Variants in AHNAK observed in about 807,000 individuals in gnomAD.
AHNAK encodes the protein neuroblast differentiation-associated protein AHNAK.
Under a neutral mutation model 37.8 loss-of-function variants are expected in AHNAK, and 23 were observed. The ratio of observed to expected loss-of-function variants is 0.61; its 90% CI spans 0.44 to 0.86. The LOEUF is 0.86. Among genes scored for constraint, AHNAK ranks in the 40% least tolerant of loss-of-function variants. The pLI is 0.00. For synonymous variants in AHNAK, 2,481 were observed against 2,636.3 expected, an observed-to-expected ratio of 0.94 and a Z score of 1.80; for missense variants, 7,411 against 7,319.4, an observed-to-expected ratio of 1.01 and a Z score of -0.46.
In AHNAK at chr11:62,533,381, C is replaced by T; in HGVS notation, c.1036G>A (p.Gly346Ser). Residue 346 changes from glycine to serine, a missense_variant, in exon 5 of 5, where the codon GGC (glycine) becomes AGC (serine). By Grantham distance (56) the Gly-to-Ser change is moderately conservative. Coordinates refer to ENST00000378024, the MANE Select transcript of AHNAK (RefSeq NM_001620.3). ...AGCTGAGGGGCTTGGATAGTCAAGC[C>T]TGGCTTGCCGCCCTTGTGCCCCACA... ...VSVGHKGGKPGLTIQAPQLEV... is the reference protein window; with the variant it reads ...VSVGHKGGKPSLTIQAPQLEV... 1 of 1,589,230 alleles carries T rather than the reference C, an allele frequency of 6.3e-7. No homozygotes were observed.
chr11:62,434,901 T>G (rs1168578179), intron 5 of AHNAK, among the ~76,000 whole-genome samples: 1 of 135,092 alleles, frequency 7.4e-6, no homozygotes, highest in East Asian at 2.2e-4. Flanking sequence ...TCACTGCACT[T>G]CAGCCTGGAC....
chr11:62,439,664 G>GTTTTTTTTTTTTTTTT (rs1565194563), intron 5 of AHNAK, among the ~76,000 whole-genome samples: 2 of 126,420 alleles, frequency 1.6e-5, no homozygotes, highest in Admixed American at 8.7e-5. Flanking sequence ...ATTTTTGTGT[G>GTTTTTTTTTTTTTTTT]ATTTTTTTTT....
chr11:62,450,308 C>G (rs1422397360), intron 5 of AHNAK, among the ~76,000 whole-genome samples: 3 of 151,856 alleles, frequency 2.0e-5, no homozygotes, highest in Non-Finnish European at 4.4e-5. Flanking sequence ...CAGGCACCCA[C>G]CACCACGCCC....
chr11:62,447,479 T>C (rs1590587579), intron 5 of AHNAK, among the ~76,000 whole-genome samples: 1 of 152,268 alleles, frequency 6.6e-6, no homozygotes, highest in East Asian at 1.9e-4. Flanking sequence ...GAACGCATCA[T>C]GTGAGGATGT....
rs746095319 is a variant in AHNAK, at chr11:62,532,453, C to A, written c.1964G>T (p.Gly655Val). 6.2e-7 allele frequency: 1 copy of A among 1,614,028 alleles called. No individual in the cohort carries two copies. Among genetic ancestry groups the A allele is most frequent in the Admixed American group, 1.7e-5 (1 of 60,004 alleles). ...CTTGGGCCCTGAAATACTGATATCTCCTTTGGGTAGAGTCATATGAACATC... is the reference window on the plus strand; with the variant it reads ...CTTGGGCCCTGAAATACTGATATCTACTTTGGGTAGAGTCATATGAACATC... The part of the protein sequence containing the change: ...GPDVHMTLPK[G>V]DISISGPKVN... The change falls in exon 5 of 5, where the codon GGA becomes GTA. Residue 655 changes from glycine (G) to valine (V), a missense_variant. Transcript: ENST00000378024.
intron 5 of AHNAK, chr11:62,491,618 C>T (rs2134895497): frequency 1.0e-6 from 1 of 996,052 alleles, no homozygotes; most frequent in East Asian, 2.6e-5. Flanking sequence ...GGTCCTGAGC[C>T]ATATCCTTCC....
Position 62,527,653 on chromosome 11 carries a change from C to T in AHNAK, c.6764G>A (p.Gly2255Asp), listed in dbSNP as rs1260568336. The T allele has an allele frequency of 1.9e-6, 3 of 1,614,026 alleles. No homozygotes were observed. Among genetic ancestry groups the T allele is most frequent in the Admixed American group, 3.3e-5 (2 of 60,004 alleles). ...KMKMPKFSMP[G>D]FKGEGPEVDV... ...CACTTCTGGGCCCTCTCCTTTGAAG[C>T]CAGGCATGCTGAACTTGGGCATTTT... The change falls in exon 5 of 5, where the codon GGC (glycine) becomes GAC (aspartate). Residue 2255 changes from glycine to aspartate, a missense_variant. Transcript: ENST00000378024.
chr11:62,507,714 G>A (rs1422814568), intron 4 of AHNAK, among the ~76,000 whole-genome samples: 1 of 152,210 alleles, frequency 6.6e-6, no homozygotes, highest in Non-Finnish European at 1.5e-5. Context: ...CCAGGAGGCA[G>A]AGGTTGCAGT....
intron 4 of AHNAK, among the ~76,000 whole-genome samples, chr11:62,499,419 C>T (rs949965963): frequency 2.0e-5 from 3 of 152,100 alleles, no homozygotes; most frequent in African/African-American, 7.2e-5. Flanking sequence ...GGCATGGTAT[C>T]GTGTGCCTGT....
At chr11:62,507,093 C>T (rs1939826359) in intron 4 of AHNAK, among the ~76,000 whole-genome samples, 1 of 152,078 alleles carries the variant, frequency 6.6e-6, no homozygotes, top group Non-Finnish European at 1.5e-5. Flanking sequence ...CCCCCCACTC[C>T]TCTCCAAACC....
At chr11:62,457,670 T>C (rs1938689939) in intron 5 of AHNAK, among the ~76,000 whole-genome samples, 1 of 151,674 alleles carries the variant, frequency 6.6e-6, no homozygotes, top group Admixed American at 6.6e-5. Flanking sequence ...GTTCAGCAAA[T>C]TAACATGAAA....
In AHNAK at chr11:62,529,402, T is replaced by A; in HGVS notation, c.5015A>T (p.Asp1672Val). The A allele has an allele frequency of 6.2e-7, 1 of 1,614,006 alleles. No individual in the cohort carries two copies. Among genetic ancestry groups the A allele is most frequent in the Non-Finnish European group, 8.5e-7 (1 of 1,180,002 alleles). ...LKGPKVKGDM[D>V]VSVPKVEGEM... ...ACCTTCTACCTTGGGCACAGACACATCCATATCCCCTTTGACTTTGGGGCC... is the reference window on the plus strand; with the variant it reads ...ACCTTCTACCTTGGGCACAGACACAACCATATCCCCTTTGACTTTGGGGCC... The change falls in exon 5 of 5, where the codon GAT becomes GTT. Residue 1672 changes from aspartate to valine, a missense_variant. Transcript: ENST00000378024.
At chr11:62,467,266 G>A (rs543837305) in intron 5 of AHNAK, among the ~76,000 whole-genome samples, 1 of 149,422 alleles carries the variant, frequency 6.7e-6, no homozygotes, top group South Asian at 2.1e-4. Flanking sequence ...TAATATAATT[G>A]TACTTCTTTA....
chr11:62,494,335 G>T (rs561865055), intron 4 of AHNAK, among the ~76,000 whole-genome samples: 2 of 152,056 alleles, frequency 1.3e-5, no homozygotes, highest in East Asian at 3.9e-4. Context: ...GTTATAAAAT[G>T]AAACTCAGAA....
Position 62,525,241 on chromosome 11 carries a change from T to A in AHNAK, c.9176A>T (p.Asp3059Val). 1 of 1,612,506 alleles carries A rather than the reference T, an allele frequency of 6.2e-7. No individual in the cohort carries two copies. The highest frequency in any genetic ancestry group is 8.5e-7 in the Non-Finnish European group (1 of 1,179,738). Residue 3059 changes from aspartate to valine, a missense_variant, in exon 5 of 5, where the codon GAC becomes GTC. Transcript: ENST00000378024. ...GATATTCACATCTGGAACATCAATG[T>A]CCACCTTGGGTCCTGAGACATCAAG... Reference protein sequence around the residue: ...ADLDVSGPKVDIDVPDVNIEG... With the variant: ...ADLDVSGPKVVIDVPDVNIEG...
At chr11:62,492,653 G>A (rs777822168) in intron 4 of AHNAK, among the ~76,000 whole-genome samples, 7 of 152,048 alleles carry the variant, frequency 4.6e-5, no homozygotes, top group Non-Finnish European at 8.8e-5. Context: ...AGGATCACCT[G>A]AGCCTAGGAG....
intron 4 of AHNAK, among the ~76,000 whole-genome samples, chr11:62,509,176 C>T (rs1251504182): frequency 6.6e-6 from 1 of 152,084 alleles, no homozygotes; most frequent in African/African-American, 2.4e-5. Context: ...ATCAGACAAA[C>T]CCAGATTGAG....
At chr11:62,436,716 C>G (rs1449680447) in intron 5 of AHNAK, among the ~76,000 whole-genome samples, 3 of 151,164 alleles carry the variant, frequency 2.0e-5, no homozygotes, top group Non-Finnish European at 2.9e-5. Flanking sequence ...GTGGGTGGAT[C>G]ACGAGGTCAG....
At chr11:62,485,191 G>C (rs1273797483) in intron 5 of AHNAK, among the ~76,000 whole-genome samples, 2 of 152,128 alleles carry the variant, frequency 1.3e-5, no homozygotes, top group African/African-American at 4.8e-5. Flanking sequence ...TTGAGCCTAG[G>C]AATTCAAGAC....
Sources: allele counts gnomAD v4.1 joint callset (sites outside exome capture counted in the v4.1 genomes callset), GRCh38; gene constraint gnomAD v4.1.1; transcripts MANE v1.5; gene names NCBI Gene and HGNC (gene_info 2026-07-23, HGNC 2026-07-21).